Variants in CAMTA1 observed in about 807,000 individuals in gnomAD.
CAMTA1 encodes the protein calmodulin-binding transcription activator 1.
Under a neutral mutation model 170.9 loss-of-function variants are expected in CAMTA1, and 27 were observed. The observed-to-expected ratio is 0.16, with a 90% confidence interval of 0.12 to 0.22. The LOEUF (loss-of-function observed/expected upper bound fraction) is 0.22, where lower values mean the gene tolerates loss of function less well. Ranked by LOEUF, CAMTA1 falls within the 10% of genes least tolerant of loss-of-function variation. The probability of loss-of-function intolerance (pLI) is 1.00; values close to 1 mark genes in which losing one functional copy is unlikely to be tolerated. For synonymous variants in CAMTA1, 833 were observed against 891.5 expected, an observed-to-expected ratio of 0.93 and a Z score of 1.17; for missense variants, 1,619 against 2,217.2, an observed-to-expected ratio of 0.73 and a Z score of 5.42.
At chr1:7,158,248 C>G (rs1369828635) in intron 4 of CAMTA1, among the ~76,000 whole-genome samples, 1 of 152,104 alleles carries the variant, frequency 6.6e-6, no homozygotes, top group African/African-American at 2.4e-5. Context: ...AAGCCAGAAA[C>G]AAGAGTACAT....
chr1:6,851,026 C>G (rs1355528939), intron 3 of CAMTA1, among the ~76,000 whole-genome samples: 1 of 152,132 alleles, frequency 6.6e-6, no homozygotes, highest in Non-Finnish European at 1.5e-5. Context: ...CTCAGATGAG[C>G]TCTATGTTTA....
intron 5 of CAMTA1, among the ~76,000 whole-genome samples, chr1:7,321,029 T>C (rs1281540764): frequency 6.6e-6 from 1 of 152,196 alleles, no homozygotes; most frequent in Non-Finnish European, 1.5e-5. Context: ...TAAATGGCAG[T>C]AAGCCCCTTG....
At chr1:7,655,520 A>C (rs936952656) in intron 7 of CAMTA1, among the ~76,000 whole-genome samples, 3 of 79,098 alleles carry the variant, frequency 3.8e-5, no homozygotes, top group Non-Finnish European at 8.3e-5. Context: ...ACCTATGTAC[A>C]CACCCACACA....
chr1:7,525,121 G>T (rs1367778901), intron 6 of CAMTA1, among the ~76,000 whole-genome samples: 1 of 152,194 alleles, frequency 6.6e-6, no homozygotes, highest in Non-Finnish European at 1.5e-5. Context: ...CCCCTCTCCA[G>T]GGGGCTGGCC....
At chr1:6,916,606 C>A (rs1311494587) in intron 3 of CAMTA1, among the ~76,000 whole-genome samples, 1 of 152,140 alleles carries the variant, frequency 6.6e-6, no homozygotes, top group African/African-American at 2.4e-5. Context: ...ATTTTTCTTT[C>A]TTCTCTCCTA....
At chr1:6,940,307 G>A (rs1557860439) in intron 3 of CAMTA1, among the ~76,000 whole-genome samples, 1 of 152,242 alleles carries the variant, frequency 6.6e-6, no homozygotes, top group Non-Finnish European at 1.5e-5. Context: ...CACCACTGGT[G>A]TAAGTCCCAG....
In CAMTA1 at chr1:7,570,806, G is replaced by T. The variant is rs1041116944; in HGVS notation, c.511-69594G>T. On this transcript the variant is annotated intron_variant, in intron 6 of 22. Transcript: ENST00000303635. This position sits in a 1 kb window ranked among gnomAD's most constrained non-coding sequence, Gnocchi z 4.3. ...AGGGAAAATCAGTGTTATCATGCGA[G>T]GATGGGGATAGGGTACGGAGACTGG... Among the ~76,000 whole-genome samples the T allele has an allele frequency of 6.6e-6, 1 of 152,212 alleles. No homozygotes were observed. Among genetic ancestry groups the T allele is most frequent in the African/African-American group, 2.4e-5 (1 of 41,462 alleles).
intron 5 of CAMTA1, among the ~76,000 whole-genome samples, chr1:7,453,849 T>A (rs906100625): frequency 5.9e-5 from 9 of 151,936 alleles, no homozygotes; most frequent in African/African-American, 2.2e-4. Context: ...TGCTGTGGAG[T>A]CTTTGCTCAC....
At chr1:7,369,216 C>G (rs1044991278) in intron 5 of CAMTA1, 5 of 152,160 alleles carry the variant, frequency 3.3e-5, no homozygotes, top group African/African-American at 1.2e-4. Context: ...GCAGGAAGCT[C>G]TCTGTCACAG....
At chr1:7,281,125 A>G (rs1557431675) in intron 5 of CAMTA1, among the ~76,000 whole-genome samples, 1 of 152,200 alleles carries the variant, frequency 6.6e-6, no homozygotes, top group Non-Finnish European at 1.5e-5. Context: ...TACCTAAACA[A>G]AGGGTACCTC....
At chr1:6,862,042 A>C (rs976655862) in intron 3 of CAMTA1, among the ~76,000 whole-genome samples, 1 of 150,850 alleles carries the variant, frequency 6.6e-6, no homozygotes, top group African/African-American at 2.4e-5. Context: ...GGCTCACTGC[A>C]ACCCCTGCCT....
At chr1:7,310,600 T>TTTTCTTTC (rs372673213) in intron 5 of CAMTA1, among the ~76,000 whole-genome samples, 10 of 54,572 alleles carry the variant, frequency 1.8e-4, no homozygotes, top group Non-Finnish European at 2.9e-4. Flanking sequence ...TTTTCTTTTC[T>TTTTCTTTC]TTTCTTTCTT....
At position 7,144,768 on chromosome 1, in the gene CAMTA1, G is replaced by A. The variant is rs74051158; in HGVS notation, c.302+53397G>A. 0.058 allele frequency among the ~76,000 whole-genome samples: 8,778 copies of A among 152,240 alleles called. 606 individuals are homozygous for A. Among genetic ancestry groups the A allele is most frequent in the African/African-American group, 0.17 (7,033 of 41,490 alleles). ...AACTAGTATTGATTGACGTCATTTT[G>A]GCTAATGGGTCTTCTCCAAAGAGTA... On this transcript the variant is annotated intron_variant, in intron 4 of 22. Coordinates refer to ENST00000303635, the MANE Select transcript of CAMTA1 (RefSeq NM_015215.4). The surrounding 1 kb of genome is among the most constrained non-coding windows in gnomAD (Gnocchi z 4.0).
At chr1:7,207,385 G>A (rs1477257382) in intron 4 of CAMTA1, among the ~76,000 whole-genome samples, 1 of 152,238 alleles carries the variant, frequency 6.6e-6, no homozygotes, top group Non-Finnish European at 1.5e-5. Flanking sequence ...AATGTGGAAA[G>A]AAAATCTTCT....
At chr1:7,469,770 G>A (rs1362560660) in intron 6 of CAMTA1, among the ~76,000 whole-genome samples, 3 of 152,180 alleles carry the variant, frequency 2.0e-5, no homozygotes, top group Non-Finnish European at 2.9e-5. Context: ...TTACTTTCCT[G>A]GAATCAGACA....
At chr1:7,704,585 C>T (rs1252644690) in intron 11 of CAMTA1, among the ~76,000 whole-genome samples, 9 of 148,696 alleles carry the variant, frequency 6.1e-5, no homozygotes, top group East Asian at 3.9e-4. Context: ...GGCTCCGCGC[C>T]CCGCACCAGC....
chr1:6,785,491 G>T lies in CAMTA1; in HGVS notation c.-40G>T, dbSNP rs777288848. 3 of 1,023,132 alleles carry T rather than the reference G, an allele frequency of 2.9e-6. No individual in the cohort carries two copies. The highest frequency in any genetic ancestry group is 2.4e-6 in the Non-Finnish European group (2 of 849,280). The allele number at this position is 1,023,132 out of a possible 1,614,324, so 63.4% of individuals were successfully genotyped here. A position where few individuals can be genotyped will look rare whatever the true frequency, so the allele number is the denominator to read the frequency against. On this transcript the variant is annotated 5_prime_UTR_variant, in exon 1 of 23. Coordinates refer to ENST00000303635, the MANE Select transcript of CAMTA1 (RefSeq NM_015215.4). ...GCTGGGCCGGCGGCGGCGGCGGTACGAGGCGCGCGCTCGGGGTCCCGGTCG... is the reference window on the plus strand; with the variant it reads ...GCTGGGCCGGCGGCGGCGGCGGTACTAGGCGCGCGCTCGGGGTCCCGGTCG...
chr1:7,184,743 T>A (rs1652908605), intron 4 of CAMTA1, among the ~76,000 whole-genome samples: 1 of 152,150 alleles, frequency 6.6e-6, no homozygotes, highest in Admixed American at 6.6e-5. Context: ...AATAATCTTG[T>A]CAATATTTCA....
intron 6 of CAMTA1, among the ~76,000 whole-genome samples, chr1:7,571,270 G>A (rs7540835): frequency 0.016 from 2,417 of 152,244 alleles, 65 homozygotes; most frequent in African/African-American, 0.054. Flanking sequence ...AGGGGCAAGG[G>A]ATATCTCTCA....
Sources: gnomAD v4.1 joint callset for allele counts (sites outside exome capture counted in the v4.1 genomes callset) on GRCh38, gnomAD v4.1.1 for gene constraint, Gnocchi (gnomAD v3.1) non-coding constraint, MANE v1.5 for transcripts, NCBI Gene and HGNC (gene_info 2026-07-23, HGNC 2026-07-21) for gene names.